The following SENP7 variants were observed in gnomAD, a reference collection of about 807,000 sequenced individuals.
SENP7 encodes the protein sentrin-specific protease 7.
Under a neutral mutation model 141.2 loss-of-function variants are expected in SENP7, and 64 were observed. The ratio of observed to expected loss-of-function variants is 0.45; its 90% confidence interval spans 0.37 to 0.56. SENP7 has a LOEUF of 0.56. Ranked by LOEUF, SENP7 falls within the 20% of genes least tolerant of loss-of-function variation. The pLI is 0.00. For missense variants in SENP7, 1,025 were observed against 1,212.2 expected, an observed-to-expected ratio of 0.85 and a Z score of 2.29; for synonymous variants, 382 against 426.4, an observed-to-expected ratio of 0.90 and a Z score of 1.28.
intron 4 of SENP7, among the ~76,000 whole-genome samples, chr3:101,452,821 G>C (rs191457842): frequency 6.6e-6 from 1 of 152,062 alleles, no homozygotes; most frequent in Admixed American, 6.6e-5. Flanking sequence ...ACTTCATGTC[G>C]AAAACACCAA....
At chr3:101,454,554 A>G (rs2063285026) in intron 4 of SENP7, among the ~76,000 whole-genome samples, 1 of 152,180 alleles carries the variant, frequency 6.6e-6, no homozygotes, top group Admixed American at 6.5e-5. Flanking sequence ...ATGTCTACAC[A>G]AACACTTGCA....
chr3:101,374,311 G>A (rs1253971542), intron 6 of SENP7, among the ~76,000 whole-genome samples: 1 of 152,046 alleles, frequency 6.6e-6, no homozygotes, highest in African/African-American at 2.4e-5. Context: ...AACTCAAAGT[G>A]GATCAAACAC....
At chr3:101,376,598 C>T (rs936428217) in intron 6 of SENP7, among the ~76,000 whole-genome samples, 6 of 150,616 alleles carry the variant, frequency 4.0e-5, no homozygotes, top group Admixed American at 3.3e-4. Flanking sequence ...AACACATGGA[C>T]ACAGGAAGGG....
chr3:101,390,458 G>A (rs2060788002), intron 6 of SENP7, among the ~76,000 whole-genome samples: 1 of 152,038 alleles, frequency 6.6e-6, no homozygotes, highest in South Asian at 2.1e-4. Flanking sequence ...TTTAAGTCAT[G>A]CTTTTGGTTT....
Position 101,361,993 on chromosome 3 carries a change from T to C in SENP7, c.1477-132A>G, listed in dbSNP as rs892129785. ...TTGAAGAACTTTATACTGTTCTTACTGTGAAGAAATAGCTATCTAGATTTT... is the reference window on the plus strand; with the variant it reads ...TTGAAGAACTTTATACTGTTCTTACCGTGAAGAAATAGCTATCTAGATTTT... On this transcript the variant is annotated intron_variant, in intron 10 of 23. Coordinates refer to ENST00000394095, the MANE Select transcript of SENP7 (RefSeq NM_020654.5). 5 of 960,592 alleles carry C rather than the reference T, an allele frequency of 5.2e-6. No individual in the cohort carries two copies. In the African/African-American group the frequency reaches 8.7e-5, roughly 17 times the overall value. 59.5% of individuals were successfully genotyped at this position (960,592 alleles called of 1,614,324 possible).
At chr3:101,374,855 T>A (rs2060276194) in intron 6 of SENP7, among the ~76,000 whole-genome samples, 1 of 150,428 alleles carries the variant, frequency 6.6e-6, no homozygotes, top group African/African-American at 2.4e-5. Context: ...AGAAAATATC[T>A]CCCACCCACA....
intron 4 of SENP7, among the ~76,000 whole-genome samples, chr3:101,422,006 A>ACT (rs2061804179): frequency 3.9e-5 from 6 of 152,226 alleles, no homozygotes; most frequent in African/African-American, 1.4e-4. Context: ...GCCTTGTACC[A>ACT]GTCTGTGGTC....
intron 3 of SENP7, among the ~76,000 whole-genome samples, chr3:101,477,964 T>A (rs1330052271): frequency 6.6e-6 from 1 of 151,942 alleles, no homozygotes; most frequent in Non-Finnish European, 1.5e-5. Flanking sequence ...TTGTTTTTTT[T>A]AAAGATAATC....
chr3:101,361,951 T>C, intron 10 of SENP7, 90 bp from the exon 11 acceptor site: 3 of 1,358,780 alleles, frequency 2.2e-6, no homozygotes, highest in East Asian at 5.3e-5. Context: ...CTTCTTTAAA[T>C]TACTATTAGT....
intron 3 of SENP7, among the ~76,000 whole-genome samples, chr3:101,468,753 C>A (rs2063859851): frequency 6.6e-6 from 1 of 152,150 alleles, no homozygotes; most frequent in Non-Finnish European, 1.5e-5. Flanking sequence ...ACTGCAAAAA[C>A]ATGCCAAATT....
chr3:101,404,024 C>G lies in SENP7; in HGVS notation c.483-4969G>C, dbSNP rs562440953. Among the ~76,000 whole-genome samples, 32 of 152,228 alleles carry G rather than the reference C, an allele frequency of 2.1e-4. No individual in the cohort carries two copies. In the South Asian group the frequency reaches 6.6e-3, roughly 32 times the overall value. ...GCAATTTACAGATTCAATGCTATTCCTATCATACTACCAACAACATTCTTC... is the reference window on the plus strand; with the variant it reads ...GCAATTTACAGATTCAATGCTATTCGTATCATACTACCAACAACATTCTTC... On this transcript the variant is annotated intron_variant, in intron 5 of 23. Coordinates refer to ENST00000394095, the MANE Select transcript of SENP7 (RefSeq NM_020654.5).
At chr3:101,344,282 T>C (rs1249285981) in intron 13 of SENP7, among the ~76,000 whole-genome samples, 1 of 152,178 alleles carries the variant, frequency 6.6e-6, no homozygotes, top group Non-Finnish European at 1.5e-5. Context: ...TAGCCTCCTT[T>C]ATGAATCAAC....
intron 3 of SENP7, among the ~76,000 whole-genome samples, chr3:101,485,664 C>G (rs2064698022): frequency 2.6e-5 from 4 of 152,158 alleles, no homozygotes; most frequent in Admixed American, 1.3e-4. Context: ...TGAGAAGGAA[C>G]CAGAAACAAC....
chr3:101,337,372 T>C (rs758340566), intron 17 of SENP7, 137 bp downstream of exon 17: 41 of 509,538 alleles, frequency 8.0e-5, no homozygotes, highest in Non-Finnish European at 1.3e-4. Context: ...ATGGCTCTCA[T>C]GGCAAACAGA....
chr3:101,342,768 C>A (rs1299549995), intron 14 of SENP7, among the ~76,000 whole-genome samples: 1 of 151,682 alleles, frequency 6.6e-6, no homozygotes, highest in Admixed American at 6.6e-5. Context: ...CGGGTTCAAG[C>A]GATTCTCCTG....
At chr3:101,395,097 T>A (rs2060929270) in intron 6 of SENP7, among the ~76,000 whole-genome samples, 2 of 152,222 alleles carry the variant, frequency 1.3e-5, no homozygotes, top group African/African-American at 4.8e-5. Flanking sequence ...ATTCTGGAAG[T>A]TGTCTCTTTA....
chr3:101,478,971 A>T (rs1196858717), intron 3 of SENP7, among the ~76,000 whole-genome samples: 6 of 152,264 alleles, frequency 3.9e-5, no homozygotes, highest in African/African-American at 1.2e-4. Context: ...ACCTCAACAG[A>T]TGCAAAAAAA....
intron 11 of SENP7, among the ~76,000 whole-genome samples, chr3:101,359,995 A>G (rs998435771): frequency 2.0e-5 from 3 of 152,070 alleles, no homozygotes; most frequent in Non-Finnish European, 4.4e-5. Context: ...TCACTCTCAT[A>G]TATTTAGGTT....
rs867858630 is a variant in SENP7, at chr3:101,438,865, G to A, written c.284+20090C>T. 9.5e-3 allele frequency among the ~76,000 whole-genome samples: 1,445 copies of A among 151,834 alleles called. 24 individuals carry two copies. The highest frequency in any genetic ancestry group is 0.033 in the African/African-American group (1,386 of 41,460). On this transcript the variant is annotated intron_variant, in intron 4 of 23. Transcript: ENST00000394095. Reference sequence around the variant, plus strand: ...CCCGGGAGGCAGCGGCTGGAGGAGCGGACGGGCCCCGCGGGGCCCGAGGGC... The same window carrying A: ...CCCGGGAGGCAGCGGCTGGAGGAGCAGACGGGCCCCGCGGGGCCCGAGGGC...
Sources: gnomAD v4.1 joint callset for allele counts (sites outside exome capture counted in the v4.1 genomes callset) on GRCh38, gnomAD v4.1.1 for gene constraint, MANE v1.5 for transcripts, NCBI Gene and HGNC (gene_info 2026-07-23, HGNC 2026-07-21) for gene names.